PCDHA1: variants seen among roughly 807,000 people sequenced by gnomAD.
PCDHA1 encodes protocadherin alpha-1.
PCDHA1 carries 42 observed loss-of-function variants against 61.3 expected under a neutral mutation model. That is an observed-to-expected ratio of 0.69 (90% CI 0.54 to 0.89). The LOEUF (loss-of-function observed/expected upper bound fraction) is 0.89. Ranked by LOEUF, PCDHA1 falls within the 40% of genes least tolerant of loss-of-function variation. The pLI is 0.00. For missense variants in PCDHA1, 1,256 were observed against 1,235.3 expected, an observed-to-expected ratio of 1.02 and a Z score of -0.25; for synonymous variants, 610 against 553.8, an observed-to-expected ratio of 1.10 and a Z score of -1.43.
At chr5:140,826,381 T>A (rs1768927089) in intron 1 of PCDHA1, among the ~76,000 whole-genome samples, 1 of 152,186 alleles carries the variant, frequency 6.6e-6, no homozygotes, top group Non-Finnish European at 1.5e-5. Flanking sequence ...AAGTCAGTGA[T>A]AAGAACTACT....
At chr5:140,927,301 C>A in intron 1 of PCDHA1, 3 of 1,614,204 alleles carry the variant, frequency 1.9e-6, no homozygotes, top group Non-Finnish European at 2.5e-6. Context: ...CCCCGAGTTC[C>A]TGACGCCCGG....
chr5:140,928,712 GT>G (rs782592622), intron 1 of PCDHA1: 1 of 1,614,168 alleles, frequency 6.2e-7, no homozygotes, highest in Non-Finnish European at 8.5e-7. Context: ...TCTGACTCTA[GT>G]CTCTTTAGAA....
At chr5:140,998,055 T>C (rs2097794971) in intron 3 of PCDHA1, among the ~76,000 whole-genome samples, 1 of 152,190 alleles carries the variant, frequency 6.6e-6, no homozygotes, top group Non-Finnish European at 1.5e-5. Flanking sequence ...AGTGACATCA[T>C]CATCAACAGA....
chr5:140,877,917 T>G (rs2057395668), intron 1 of PCDHA1: 2 of 1,427,712 alleles, frequency 1.4e-6, no homozygotes, highest in Admixed American at 2.9e-5. Context: ...TTCTCTCATT[T>G]TTCTTTATGA....
chr5:140,954,885 T>C (rs1291095041), intron 1 of PCDHA1, among the ~76,000 whole-genome samples: 1 of 152,218 alleles, frequency 6.6e-6, no homozygotes, highest in Non-Finnish European at 1.5e-5. Context: ...GCTTTTCTTC[T>C]AGGGTTTTTA....
intron 1 of PCDHA1, chr5:140,859,517 T>A (rs1364411363): frequency 5.1e-6 from 1 of 195,368 alleles, no homozygotes; most frequent in Admixed American, 5.8e-5. Flanking sequence ...ATGATTTCAT[T>A]TTTAAAAAAA....
chr5:140,871,284 T>C (rs2052909297), intron 1 of PCDHA1: 1 of 1,613,778 alleles, frequency 6.2e-7, no homozygotes, highest in African/African-American at 1.3e-5. Flanking sequence ...CAACGCCCAC[T>C]GAGGGCGCGT....
intron 1 of PCDHA1, chr5:140,815,326 T>C (rs1455934614): frequency 1.3e-5 from 2 of 152,130 alleles, no homozygotes; most frequent in Non-Finnish European, 2.9e-5. Context: ...TATGTTTTTG[T>C]TCCTTTCCTG....
chr5:140,796,793 A>G, intron 1 of PCDHA1: 1 of 1,614,078 alleles, frequency 6.2e-7, no homozygotes, highest in South Asian at 1.1e-5. Context: ...CTTTCGTACG[A>G]GCTTCAGCTG....
intron 3 of PCDHA1, among the ~76,000 whole-genome samples, chr5:140,985,903 C>G (rs1554247500): frequency 6.6e-6 from 1 of 151,964 alleles, no homozygotes; most frequent in Non-Finnish European, 1.5e-5. Context: ...CCACTCCCGT[C>G]TAATTTTTTG....
At chr5:140,980,584 C>A (rs1447001293) in intron 2 of PCDHA1, among the ~76,000 whole-genome samples, 1 of 151,934 alleles carries the variant, frequency 6.6e-6, no homozygotes, top group Non-Finnish European at 1.5e-5. Context: ...GAGCCAAGAT[C>A]GAGCCACTGC....
chr5:140,808,501 G>T (rs781840544), intron 1 of PCDHA1: 5 of 1,614,178 alleles, frequency 3.1e-6, no homozygotes, highest in African/African-American at 1.3e-5. Context: ...TGTGGGCCAC[G>T]GCCAGTGTTT....
intron 1 of PCDHA1, among the ~76,000 whole-genome samples, chr5:140,960,335 G>T (rs1362472967): frequency 1.3e-5 from 2 of 152,148 alleles, no homozygotes; most frequent in African/African-American, 4.8e-5. Context: ...AGAAGTACAT[G>T]AGGTGAGATA....
At chr5:140,854,190 A>G (rs2043033379) in intron 1 of PCDHA1, 1 of 648,948 alleles carries the variant, frequency 1.5e-6, no homozygotes, top group Non-Finnish European at 1.9e-6. Context: ...TAGTTTAACT[A>G]CTCCCTACTT....
At chr5:140,817,928 G>A (rs1216034362) in intron 1 of PCDHA1, among the ~76,000 whole-genome samples, 1 of 152,154 alleles carries the variant, frequency 6.6e-6, no homozygotes, top group Non-Finnish European at 1.5e-5. Flanking sequence ...CTTTTGAGAT[G>A]ATGGCTGTCA....
chr5:140,870,198 C>A, intron 1 of PCDHA1: 2 of 1,614,172 alleles, frequency 1.2e-6, no homozygotes, highest in Non-Finnish European at 1.7e-6. Flanking sequence ...CTCAGCCCAG[C>A]ACGGTCATTG....
chr5:140,892,813 T>C (rs1335475161), intron 1 of PCDHA1, among the ~76,000 whole-genome samples: 1 of 152,228 alleles, frequency 6.6e-6, no homozygotes, highest in Non-Finnish European at 1.5e-5. Context: ...ACCATATTTA[T>C]CCTACAGTGC....
At chr5:140,939,590 C>G (rs1385974524) in intron 1 of PCDHA1, among the ~76,000 whole-genome samples, 1 of 152,052 alleles carries the variant, frequency 6.6e-6, no homozygotes, top group African/African-American at 2.4e-5. Flanking sequence ...TTTTAACATA[C>G]CTTGCTCAAA....
At position 140,836,615 on chromosome 5, in the gene PCDHA1, G is replaced by A. The variant is rs2150265724; in HGVS notation, c.2394+47931G>A. On this transcript the variant is annotated intron_variant, in intron 1 of 3. Coordinates refer to ENST00000504120, the MANE Select transcript of PCDHA1 (RefSeq NM_018900.4). Reference sequence around the variant, plus strand: ...AGCCCACTCTGGTGTGCTCCAGCGCGGTGGGGAGCTGGTCATTCTCCCAGC... The same window carrying A: ...AGCCCACTCTGGTGTGCTCCAGCGCAGTGGGGAGCTGGTCATTCTCCCAGC... 925 of 1,613,634 alleles carry A rather than the reference G, an allele frequency of 5.7e-4. 10 individuals carry two copies. The African/African-American group carries it at 0.011, about 19-fold the overall frequency.
Sources: allele counts gnomAD v4.1 joint callset (sites outside exome capture counted in the v4.1 genomes callset), GRCh38; gene constraint gnomAD v4.1.1; transcripts MANE v1.5; gene names NCBI Gene and HGNC (gene_info 2026-07-23, HGNC 2026-07-21).